DACH2: variants seen among roughly 807,000 people sequenced by gnomAD.
The protein encoded by DACH2 is dachshund homolog 2.
Under a neutral mutation model 35.8 loss-of-function variants are expected in DACH2, and 17 were observed. That is an observed-to-expected ratio of 0.48 (90% CI 0.33 to 0.71). DACH2 has a LOEUF of 0.71. Ranked by LOEUF, DACH2 falls within the 30% of genes least tolerant of loss-of-function variation. The pLI is 0.02. For missense variants in DACH2, 469 were observed against 472.7 expected (o/e 0.99, Z 0.07); for synonymous variants, 195 against 177.3 (o/e 1.10, Z -0.79).
intron 1 of DACH2, among the ~76,000 whole-genome samples, chrX:86,183,817 G>C (rs2147885391): frequency 9.0e-6 from 1 of 111,203 alleles, no homozygotes; most frequent in East Asian, 2.9e-4. Flanking sequence ...GGCTTTTTTT[G>C]GTTGGTAGGC....
intron 2 of DACH2, among the ~76,000 whole-genome samples, chrX:86,405,975 A>T (rs2148137620): frequency 9.0e-6 from 1 of 111,189 alleles, no homozygotes; most frequent in South Asian, 3.8e-4. Context: ...ATCAGATCTC[A>T]TGATAACTCA....
rs376311385 is a variant in DACH2 at position 86,330,386 on chromosome X, C to G, written c.489-46438C>G. ...GAAAATAATTTTAATAAATATTATC[C>G]CATTTTATTGCCTGCCTTAGCATTG... is the stretch of plus-strand genomic sequence containing the variant. On this transcript the variant is annotated intron_variant, in intron 1 of 11. Coordinates refer to ENST00000373125, the MANE Select transcript of DACH2 (RefSeq NM_053281.3). Among the ~76,000 whole-genome samples, 35 of 110,993 alleles carry G rather than the reference C, an allele frequency of 3.2e-4. No individual in the cohort carries two copies. In the East Asian group the frequency reaches 4.0e-3, roughly 13 times the overall value.
chrX:86,547,251 C>T (rs1387912904), intron 3 of DACH2, among the ~76,000 whole-genome samples: 1 of 111,489 alleles, frequency 9.0e-6, no homozygotes, highest in Non-Finnish European at 1.9e-5. Flanking sequence ...TTATTGAATA[C>T]CTCCAATGTG....
intron 5 of DACH2, among the ~76,000 whole-genome samples, chrX:86,707,018 CAG>C (rs759594394): frequency 3.3e-3 from 364 of 109,661 alleles, no homozygotes; most frequent in Middle Eastern, 9.5e-3. Context: ...AAATTGGAAA[CAG>C]AAAATCAACA....
intron 7 of DACH2, among the ~76,000 whole-genome samples, chrX:86,768,708 A>G (rs2147292637): frequency 9.0e-6 from 1 of 111,319 alleles, no homozygotes; most frequent in East Asian, 2.8e-4. Context: ...GGTATGTTGC[A>G]TGTTCCTGTG....
intron 2 of DACH2, among the ~76,000 whole-genome samples, chrX:86,452,553 G>A (rs1336077401): frequency 9.0e-6 from 1 of 110,924 alleles, no homozygotes; most frequent in Non-Finnish European, 1.9e-5. Context: ...ACATTTTTAG[G>A]AGGGTGTATG....
chrX:86,221,740 C>T (rs775884655), intron 1 of DACH2, among the ~76,000 whole-genome samples: 1 of 111,905 alleles, frequency 8.9e-6, no homozygotes. Context: ...TAAAGCCAGG[C>T]GCATTAGTTT....
chrX:86,737,462 A>G (rs1200733308), intron 6 of DACH2, among the ~76,000 whole-genome samples: 2 of 112,148 alleles, frequency 1.8e-5, no homozygotes, highest in African/African-American at 6.5e-5. Flanking sequence ...AAAATCTACT[A>G]TTCATTTCAC....
chrX:86,449,492 A>G (rs1426395673), intron 2 of DACH2, among the ~76,000 whole-genome samples: 1 of 111,457 alleles, frequency 9.0e-6, no homozygotes, highest in Non-Finnish European at 1.9e-5. Context: ...ATATTCAAGG[A>G]CATTATTGAA....
intron 3 of DACH2, among the ~76,000 whole-genome samples, chrX:86,543,050 G>A (rs943513171): frequency 1.8e-5 from 2 of 112,054 alleles, no homozygotes; most frequent in Admixed American, 9.5e-5. Context: ...ACTAAATGAA[G>A]CCAGTAGAAA....
chrX:86,428,580 A>T (rs951842843), intron 2 of DACH2, among the ~76,000 whole-genome samples: 3 of 112,191 alleles, frequency 2.7e-5, no homozygotes, highest in Non-Finnish European at 5.6e-5. Context: ...GTCTATTATT[A>T]GAACTGAAAA....
chrX:86,360,512 G>T (rs958014238), intron 1 of DACH2, among the ~76,000 whole-genome samples: 17 of 111,642 alleles, frequency 1.5e-4, no homozygotes, highest in African/African-American at 5.2e-4. Flanking sequence ...TGTTTGAGAA[G>T]CCTATAAATA....
At chrX:86,176,804 G>A (rs1211094690) in intron 1 of DACH2, among the ~76,000 whole-genome samples, 1 of 111,508 alleles carries the variant, frequency 9.0e-6, no homozygotes, top group African/African-American at 3.3e-5. Flanking sequence ...GAATATATTT[G>A]CTTTACATCA....
At chrX:86,722,016 A>G (rs1394765121) in intron 6 of DACH2, among the ~76,000 whole-genome samples, 1 of 111,953 alleles carries the variant, frequency 8.9e-6, no homozygotes, top group Non-Finnish European at 1.9e-5. Flanking sequence ...TTACTATTCA[A>G]GGTAAGATTT....
intron 1 of DACH2, among the ~76,000 whole-genome samples, chrX:86,305,418 A>C (rs910228262): frequency 8.9e-6 from 1 of 112,170 alleles, no homozygotes; most frequent in Non-Finnish European, 1.9e-5. Flanking sequence ...CTAGAAAAAA[A>C]AATAAACTCA....
intron 4 of DACH2, among the ~76,000 whole-genome samples, chrX:86,684,968 T>C (rs1247696808): frequency 8.9e-6 from 1 of 111,875 alleles, no homozygotes; most frequent in Non-Finnish European, 1.9e-5. Flanking sequence ...ATTTTATTAA[T>C]TACATAAAAC....
At chrX:86,479,125 G>T (rs953832643) in intron 2 of DACH2, among the ~76,000 whole-genome samples, 3 of 111,039 alleles carry the variant, frequency 2.7e-5, no homozygotes, top group East Asian at 5.7e-4. Flanking sequence ...ATTCCCCTCA[G>T]AGACCACGTC....
chrX:86,618,618 T>C (rs1221101541), intron 3 of DACH2, among the ~76,000 whole-genome samples: 1 of 112,341 alleles, frequency 8.9e-6, no homozygotes, highest in Non-Finnish European at 1.9e-5. Context: ...AGATGTAAAC[T>C]ATTATTAATT....
At chrX:86,323,381 A>G (rs962424005) in intron 1 of DACH2, among the ~76,000 whole-genome samples, 7 of 111,704 alleles carry the variant, frequency 6.3e-5, no homozygotes, top group Admixed American at 3.8e-4. Flanking sequence ...TAGGAGTTAA[A>G]TAGTCTTTGA....
Sources: allele counts gnomAD v4.1 joint callset (sites outside exome capture counted in the v4.1 genomes callset), GRCh38; gene constraint gnomAD v4.1.1; transcripts MANE v1.5; gene names NCBI Gene and HGNC (gene_info 2026-07-23, HGNC 2026-07-21).